The following MICU1 variants were observed in gnomAD, a reference collection of about 807,000 sequenced individuals.
MICU1 encodes calcium uptake protein 1, mitochondrial.
A neutral mutation model predicts 56.8 loss-of-function variants in MICU1; 45 were observed. The ratio of observed to expected loss-of-function variants is 0.79; its 90% CI spans 0.62 to 1.02. The LOEUF is 1.02. MICU1 is among the 50% of genes least tolerant of loss of function. The pLI, the probability that MICU1 is intolerant of heterozygous loss-of-function variation, is 0.00. For missense variants in MICU1, 504 were observed against 587.1 expected, an observed-to-expected ratio of 0.86 and a Z score of 1.46; for synonymous variants, 186 against 195.1, an observed-to-expected ratio of 0.95 and a Z score of 0.39.
At chr10:72,394,049 G>A (rs552161811) in intron 10 of MICU1, among the ~76,000 whole-genome samples, 1 of 152,146 alleles carries the variant, frequency 6.6e-6, no homozygotes, top group Non-Finnish European at 1.5e-5. Context: ...TTACAGGTGT[G>A]AGCCAAAGAG....
chr10:72,450,177 T>G (rs1564876518), intron 8 of MICU1, among the ~76,000 whole-genome samples: 1 of 148,582 alleles, frequency 6.7e-6, no homozygotes, highest in Non-Finnish European at 1.5e-5. Context: ...AAGTACAGAG[T>G]CCTTTGGAAA....
At chr10:72,508,071 G>A (rs1867314446) in intron 6 of MICU1, 84 bp downstream of exon 6, 2 of 605,014 alleles carry the variant, frequency 3.3e-6, no homozygotes, top group Admixed American at 3.9e-5. Flanking sequence ...CTACCAATAT[G>A]TCTTGTTTTA....
intron 1 of MICU1, among the ~76,000 whole-genome samples, chr10:72,611,938 A>C (rs1589390236): frequency 6.7e-6 from 1 of 149,900 alleles, no homozygotes; most frequent in Non-Finnish European, 1.5e-5. Context: ...AGTGCTACAC[A>C]GTGACTGTGA....
At chr10:72,413,985 G>A (rs530397958) in intron 9 of MICU1, among the ~76,000 whole-genome samples, 1 of 152,336 alleles carries the variant, frequency 6.6e-6, no homozygotes, top group Admixed American at 6.5e-5. Context: ...AATAACAGGT[G>A]TTGATGAGGG....
intron 1 of MICU1, among the ~76,000 whole-genome samples, chr10:72,582,567 G>A (rs1028198604): frequency 1.3e-5 from 2 of 151,856 alleles, no homozygotes; most frequent in African/African-American, 4.8e-5. Context: ...AGACCAACCT[G>A]GACAATATGG....
At chr10:72,480,715 C>A (rs1866268074) in intron 6 of MICU1, among the ~76,000 whole-genome samples, 1 of 152,214 alleles carries the variant, frequency 6.6e-6, no homozygotes, top group African/African-American at 2.4e-5. Context: ...TATCCCCATT[C>A]CCTCTCTCCA....
At chr10:72,418,374 A>T (rs1864052582) in intron 9 of MICU1, among the ~76,000 whole-genome samples, 1 of 152,204 alleles carries the variant, frequency 6.6e-6, no homozygotes, top group Admixed American at 6.5e-5. Flanking sequence ...AAATTCCTCA[A>T]GTGATCCTAT....
chr10:72,551,332 A>C lies in MICU1; in HGVS notation c.340T>G (p.Tyr114Asp). Residue 114 changes from tyrosine to aspartate, a missense_variant, in exon 4 of 12, where the codon TAT becomes GAT. Tyr to Asp is a radical substitution (Grantham distance 160). Coordinates refer to ENST00000361114, the MANE Select transcript of MICU1 (RefSeq NM_001195518.2). ...GAGTAGGCTCGAATCCTATTCTCATATTCCATCACCTAAAGTTAGAAATTT... is the reference window on the plus strand; with the variant it reads ...GAGTAGGCTCGAATCCTATTCTCATCTTCCATCACCTAAAGTTAGAAATTT... ...SGFRDRKVME[Y>D]ENRIRAYSTP... 6.2e-7 allele frequency: 1 copy of C among 1,605,238 alleles called. No homozygotes were observed. The highest frequency in any genetic ancestry group is 8.5e-7 in the Non-Finnish European group (1 of 1,176,502).
At chr10:72,436,229 T>C (rs1864713137) in intron 8 of MICU1, among the ~76,000 whole-genome samples, 1 of 152,266 alleles carries the variant, frequency 6.6e-6, no homozygotes, top group Admixed American at 6.5e-5. Flanking sequence ...TTCTGCAATA[T>C]TTGCTGTTCT....
intron 1 of MICU1, among the ~76,000 whole-genome samples, chr10:72,577,293 T>A (rs1177471570): frequency 6.6e-6 from 1 of 152,018 alleles, no homozygotes; most frequent in African/African-American, 2.4e-5. Context: ...GCAGATCACC[T>A]GAGGTCAGAA....
chr10:72,402,040 C>T (rs2132090125), intron 10 of MICU1, among the ~76,000 whole-genome samples: 1 of 152,246 alleles, frequency 6.6e-6, no homozygotes, highest in East Asian at 1.9e-4. Flanking sequence ...TCCCCAGCCC[C>T]TAGCAGGACA....
At chr10:72,396,516 C>T (rs546198917) in intron 10 of MICU1, among the ~76,000 whole-genome samples, 81 of 152,096 alleles carry the variant, frequency 5.3e-4, no homozygotes, top group Non-Finnish European at 9.1e-4. Context: ...AAACCCATCG[C>T]GAGGAAGCTA....
At chr10:72,478,978 A>G (rs1434642376) in intron 6 of MICU1, among the ~76,000 whole-genome samples, 3 of 152,078 alleles carry the variant, frequency 2.0e-5, no homozygotes, top group Admixed American at 6.6e-5. Context: ...TTAGTTTTGT[A>G]TATTTGTTGT....
chr10:72,587,495 C>T (rs974792913), intron 1 of MICU1, among the ~76,000 whole-genome samples: 5 of 148,824 alleles, frequency 3.4e-5, no homozygotes, highest in Non-Finnish European at 5.9e-5. Context: ...ATAGGCCAGG[C>T]GCAGTGGCTC....
chr10:72,544,932 C>T (rs1839862008), intron 4 of MICU1, among the ~76,000 whole-genome samples: 1 of 152,130 alleles, frequency 6.6e-6, no homozygotes, highest in Admixed American at 6.6e-5. Context: ...GTAGTCTGTG[C>T]TTCATGATTA....
chr10:72,570,638 T>C (rs569372097), intron 1 of MICU1, among the ~76,000 whole-genome samples: 2 of 152,314 alleles, frequency 1.3e-5, no homozygotes, highest in Admixed American at 1.3e-4. Context: ...GCTCCCTTCA[T>C]CCAATCTAGG....
intron 8 of MICU1, among the ~76,000 whole-genome samples, chr10:72,436,579 G>A (rs754261554): frequency 1.7e-4 from 26 of 152,190 alleles, no homozygotes; most frequent in Non-Finnish European, 2.9e-4. Flanking sequence ...GTTGACAGAA[G>A]TAGGCTTCAG....
At chr10:72,478,281 A>C (rs1006488385) in intron 6 of MICU1, among the ~76,000 whole-genome samples, 1 of 152,240 alleles carries the variant, frequency 6.6e-6, no homozygotes, top group African/African-American at 2.4e-5. Flanking sequence ...AAGCTTGACA[A>C]AACTTTCCCT....
At chr10:72,582,735 G>C (rs958151607) in intron 1 of MICU1, 1 of 150,908 alleles carries the variant, frequency 6.6e-6, no homozygotes, top group Non-Finnish European at 1.5e-5. Flanking sequence ...AGCGAGCCAT[G>C]ATCATGCCAC....
Sources: allele counts gnomAD v4.1 joint callset (sites outside exome capture counted in the v4.1 genomes callset), GRCh38; gene constraint gnomAD v4.1.1; transcripts MANE v1.5; gene names NCBI Gene and HGNC (gene_info 2026-07-23, HGNC 2026-07-21).